The following CAMKK2 variants were observed in gnomAD, a reference collection of about 807,000 sequenced individuals.
CAMKK2 encodes the protein calcium/calmodulin-dependent protein kinase kinase 2.
In CAMKK2, 30 loss-of-function variants were observed where a neutral mutation model predicts 67.2. The observed-to-expected ratio is 0.45, with a 90% CI of 0.33 to 0.61. CAMKK2 has a LOEUF of 0.61. Ranked by LOEUF, CAMKK2 falls within the 20% of genes least tolerant of loss-of-function variation. The pLI is 0.02. For synonymous variants in CAMKK2, 322 were observed against 326.2 expected, an observed-to-expected ratio of 0.99 and a Z score of 0.14; for missense variants, 643 against 802.0, an observed-to-expected ratio of 0.80 and a Z score of 2.39.
At chr12:121,254,359 G>A (rs1280672611) in intron 9 of CAMKK2, among the ~76,000 whole-genome samples, 1 of 152,152 alleles carries the variant, frequency 6.6e-6, no homozygotes, top group Non-Finnish European at 1.5e-5. Flanking sequence ...TTGGGAGGCT[G>A]AGGCATGAGA....
intron 1 of CAMKK2, among the ~76,000 whole-genome samples, chr12:121,279,213 G>A (rs940632976): frequency 1.3e-5 from 2 of 152,334 alleles, no homozygotes; most frequent in African/African-American, 2.4e-5. Flanking sequence ...CGGCCTCTGC[G>A]GTCTGTTGGA....
intron 1 of CAMKK2, among the ~76,000 whole-genome samples, chr12:121,292,128 A>G (rs1165794534): frequency 2.0e-5 from 3 of 149,332 alleles, no homozygotes; most frequent in South Asian, 2.2e-4. Flanking sequence ...TTTCACCTCA[A>G]TTTTTTTTTT....
rs1036992269 is a variant in CAMKK2, at chr12:121,285,592, T to C, written c.-59-11007A>G. ...GGAAGTCTGAGGTGGGCAGATCCCT[T>C]GAGCCCAGGAGTTTGAGACCAGCCT... is the stretch of plus-strand genomic sequence containing the variant. On this transcript the variant is annotated intron_variant, in intron 1 of 16. Transcript: ENST00000404169. The surrounding 1 kb of genome is among the most constrained non-coding windows in gnomAD (Gnocchi z 4.1). 2.0e-5 allele frequency among the ~76,000 whole-genome samples: 3 copies of C among 152,056 alleles called. No individual in the cohort carries two copies. Among genetic ancestry groups the C allele is most frequent in the African/African-American group, 7.2e-5 (3 of 41,390 alleles).
chr12:121,242,417 G>C (rs1375633969), intron 16 of CAMKK2, among the ~76,000 whole-genome samples: 1 of 152,156 alleles, frequency 6.6e-6, no homozygotes, highest in Admixed American at 6.5e-5. Context: ...TCAGAGACAG[G>C]AGGCAGCCCC....
At chr12:121,259,134 G>A (rs775093799) in intron 7 of CAMKK2, among the ~76,000 whole-genome samples, 1 of 152,232 alleles carries the variant, frequency 6.6e-6, no homozygotes, top group East Asian at 1.9e-4. Context: ...GAGCCACTGT[G>A]CCCGATCCAA....
rs936655728 is a variant in CAMKK2, at chr12:121,274,585, C to A, written c.-59G>T. The A allele has an allele frequency of 1.6e-6, 2 of 1,257,676 alleles. No homozygotes were observed. Among genetic ancestry groups the A allele is most frequent in the Non-Finnish European group, 2.2e-6 (2 of 911,326 alleles). 77.9% of individuals were successfully genotyped at this position (1,257,676 alleles called of 1,614,324 possible). A position where few individuals can be genotyped will look rare whatever the true frequency, so the allele number is the denominator to read the frequency against. On this transcript the variant is annotated splice_region_variant and 5_prime_UTR_variant, in exon 2 of 17. Transcript: ENST00000404169. ...GCACTCCCATCCGGCAGCGGAGCCA[C>A]CTGCAGAAAGAGAAAGGGTCAGCTG...
chr12:121,260,271 C>G (rs201267805), intron 7 of CAMKK2, 48 bp downstream of exon 7: 62 of 1,535,136 alleles, frequency 4.0e-5, no homozygotes, highest in Admixed American at 6.0e-5. Flanking sequence ...TGGGCATTGG[C>G]AGGTGTGGTG....
chr12:121,279,068 G>A (rs994607045), intron 1 of CAMKK2, among the ~76,000 whole-genome samples: 5 of 152,102 alleles, frequency 3.3e-5, no homozygotes, highest in Non-Finnish European at 7.4e-5. Flanking sequence ...TCACCAACAG[G>A]AAAACAATTG....
chr12:121,263,259 T>G (rs1176465412), intron 6 of CAMKK2, among the ~76,000 whole-genome samples: 1 of 16,094 alleles, frequency 6.2e-5, no homozygotes, highest in African/African-American at 3.4e-3. Context: ...CTGTCTGGTT[T>G]GTTTGTTTGT....
At chr12:121,289,686 A>G (rs1405163135) in intron 1 of CAMKK2, among the ~76,000 whole-genome samples, 1 of 152,142 alleles carries the variant, frequency 6.6e-6, no homozygotes, top group Non-Finnish European at 1.5e-5. Context: ...TGAGGTCAGG[A>G]GTTCGAGACC....
chr12:121,240,226 T>G lies in CAMKK2; in HGVS notation c.*473A>C. 1.7e-6 allele frequency: 1 copy of G among 596,094 alleles called. No homozygotes were observed. The highest frequency in any genetic ancestry group is 2.8e-5 in the East Asian group (1 of 35,484). The allele number at this position is 596,094 out of a possible 1,614,324, so 36.9% of individuals were successfully genotyped here. On this transcript the variant is annotated 3_prime_UTR_variant, in exon 17 of 17. Transcript: ENST00000404169. The surrounding 1 kb of genome is among the most constrained non-coding windows in gnomAD (Gnocchi z 4.4). ...GAGACCACGGCTCTGGAAGGTGCCATGGTTTCCGGTTTGCACTAGGAGCCA... is the reference window on the plus strand; with the variant it reads ...GAGACCACGGCTCTGGAAGGTGCCAGGGTTTCCGGTTTGCACTAGGAGCCA...
intron 2 of CAMKK2, among the ~76,000 whole-genome samples, 192 bp downstream of exon 2, chr12:121,273,864 C>T (rs1221629479): frequency 3.3e-5 from 5 of 152,260 alleles, no homozygotes; most frequent in Admixed American, 3.3e-4. Flanking sequence ...TTCCCTTCCC[C>T]ATGCTGATTC....
intron 6 of CAMKK2, among the ~76,000 whole-genome samples, chr12:121,262,381 G>A (rs907023556): frequency 1.3e-5 from 2 of 151,802 alleles, no homozygotes; most frequent in South Asian, 4.2e-4. Context: ...GCGTGGTAGC[G>A]GGCACCTGGA....
intron 1 of CAMKK2, among the ~76,000 whole-genome samples, chr12:121,276,324 T>C (rs1896804387): frequency 6.8e-6 from 1 of 147,662 alleles, no homozygotes; most frequent in Non-Finnish European, 1.5e-5. Context: ...AAAAATTACC[T>C]GGGCATGGTG....
rs1282482287 is a variant in CAMKK2, at chr12:121,255,230, AT to A, written c.907+319del. 1.8e-3 allele frequency among the ~76,000 whole-genome samples: 129 copies of A among 70,904 alleles called. 2 individuals carry two copies. Among genetic ancestry groups the A allele is most frequent in the Non-Finnish European group, 2.7e-3 (103 of 37,672 alleles). The allele number at this position is 70,904 out of a possible 152,430, so 46.5% of individuals were successfully genotyped here. ...ATTATATATATAATTTTATATATAT[AT>A]AATTTTATATATATATAATTATATA... On this transcript the variant is annotated intron_variant, in intron 9 of 16. Coordinates refer to ENST00000404169, the MANE Select transcript of CAMKK2 (RefSeq NM_001270485.2).
At chr12:121,251,826 CA>C (rs35539013) in intron 11 of CAMKK2, among the ~76,000 whole-genome samples, 38,911 of 85,388 alleles carry the variant, frequency 0.46, 5,349 homozygotes, top group Non-Finnish European at 0.51. Flanking sequence ...GACTCCATCT[CA>C]AAAAAAAAAA....
rs930150714 is a variant in CAMKK2, at chr12:121,245,892, C to T, written c.1453-652G>A. ...TCAACTGAAGAAGATAAACTCAAAG[C>T]GGTCTGTCTGTGCAATGGAACATGA... On this transcript the variant is annotated intron_variant, in intron 14 of 16. Transcript: ENST00000404169. This position sits in a 1 kb window ranked among gnomAD's most constrained non-coding sequence, Gnocchi z 5.8. Among the ~76,000 whole-genome samples, 3 of 152,234 alleles carry T rather than the reference C, an allele frequency of 2.0e-5. No homozygotes were observed. Among genetic ancestry groups the T allele is most frequent in the African/African-American group, 4.8e-5 (2 of 41,462 alleles).
At chr12:121,276,884 CA>C (rs1290040453) in intron 1 of CAMKK2, among the ~76,000 whole-genome samples, 11 of 102,028 alleles carry the variant, frequency 1.1e-4, no homozygotes, top group African/African-American at 1.9e-4. Flanking sequence ...GACTCCATCT[CA>C]AAAAAAAAGG....
chr12:121,286,684 C>T (rs1593497622), intron 1 of CAMKK2, among the ~76,000 whole-genome samples: 1 of 151,996 alleles, frequency 6.6e-6, no homozygotes, highest in African/African-American at 2.4e-5. Flanking sequence ...GCTGCAACTA[C>T]AGGTGCGCAC....
Sources: allele counts gnomAD v4.1 joint callset (sites outside exome capture counted in the v4.1 genomes callset), GRCh38; gene constraint gnomAD v4.1.1; non-coding constraint Gnocchi (gnomAD v3.1); transcripts MANE v1.5; gene names NCBI Gene and HGNC (gene_info 2026-07-23, HGNC 2026-07-21).